OR4M1: variants seen among roughly 807,000 people sequenced by gnomAD.
The protein encoded by OR4M1 is olfactory receptor 4M1.
Under a neutral mutation model 9.8 loss-of-function variants are expected in OR4M1, and 7 were observed. The observed-to-expected ratio is 0.71, with a 90% CI of 0.41 to 1.34. OR4M1 has a LOEUF of 1.34. OR4M1 is among the 40% of genes most tolerant of loss of function. OR4M1 has a pLI of 0.01. For missense variants in OR4M1, 331 were observed against 380.4 expected, an observed-to-expected ratio of 0.87 and a Z score of 1.08; for synonymous variants, 121 against 139.8, an observed-to-expected ratio of 0.87 and a Z score of 0.95.
intron 1 of OR4M1, among the ~76,000 whole-genome samples, chr14:19,777,959 A>T (rs926382600): frequency 6.6e-6 from 1 of 152,066 alleles, no homozygotes; most frequent in African/African-American, 2.4e-5. Flanking sequence ...TGGCTGCCTG[A>T]CTATTGGATT....
rs1158459398 is a variant in OR4M1 at position 19,781,671 on chromosome 14, C to A, written c.*407C>A. The A allele has an allele frequency of 1.1e-5, 2 of 182,310 alleles. No individual in the cohort carries two copies. The highest frequency in any genetic ancestry group is 4.8e-5 in the African/African-American group (2 of 41,952). The allele number at this position is 182,310 out of a possible 1,614,324, so 11.3% of individuals were successfully genotyped here. ...ATGGATGCAGCTAGCTTCAAGTTAG[C>A]AAATAAATATTGTCAAGTTTCAGTG... On this transcript the variant is annotated 3_prime_UTR_variant, in exon 2 of 2. Coordinates refer to ENST00000641200, the MANE Select transcript of OR4M1 (RefSeq NM_001005500.2).
At chr14:19,780,243 A>C (rs1333255423) in intron 1 of OR4M1, 51 bp from the exon 2 acceptor site, 44 of 1,405,800 alleles carry the variant, frequency 3.1e-5, no homozygotes, top group Non-Finnish European at 4.2e-5. Context: ...CAGTGATATA[A>C]CTCTAGATAA....
At chr14:19,780,111 G>A (rs1026922770) in intron 1 of OR4M1, 183 bp from the exon 2 acceptor site, 2 of 583,978 alleles carry the variant, frequency 3.4e-6, no homozygotes, top group African/African-American at 1.9e-5. Context: ...TAGTTTTAGT[G>A]TTCCCAATTT....
Position 19,781,483 on chromosome 14 carries a change from A to G in OR4M1, c.*219A>G. ...ACCCTGAAATTCCAGGCAGATCATT[A>G]TTAGAATTTGAGATATAATAATAAT... On this transcript the variant is annotated 3_prime_UTR_variant, in exon 2 of 2. Coordinates refer to ENST00000641200, the MANE Select transcript of OR4M1 (RefSeq NM_001005500.2). 2 of 531,066 alleles carry G rather than the reference A, an allele frequency of 3.8e-6. No homozygotes were observed. The highest frequency in any genetic ancestry group is 6.1e-5 in the South Asian group (2 of 32,612). 32.9% of individuals were successfully genotyped at this position (531,066 alleles called of 1,614,324 possible). A position where few individuals can be genotyped will look rare whatever the true frequency, so the allele number is the denominator to read the frequency against.
Position 19,781,300 on chromosome 14 carries a change from T to A in OR4M1, c.*36T>A, listed in dbSNP as rs1177614404. 2.7e-6 allele frequency: 4 copies of A among 1,494,190 alleles called. No homozygotes were observed. Among genetic ancestry groups the A allele is most frequent in the Non-Finnish European group, 3.7e-6 (4 of 1,093,528 alleles). The allele number at this position is 1,494,190 out of a possible 1,614,324, so 92.6% of individuals were successfully genotyped here. A position where few individuals can be genotyped will look rare whatever the true frequency, so the allele number is the denominator to read the frequency against. ...ATACATTTTATAGTCCTCCTGAGGA[T>A]CATTGTCCTAAAGCAGGAAGTATTT... On this transcript the variant is annotated 3_prime_UTR_variant, in exon 2 of 2. Transcript: ENST00000641200.
intron 1 of OR4M1, among the ~76,000 whole-genome samples, chr14:19,777,339 G>A (rs139089722): frequency 2.6e-5 from 4 of 151,748 alleles, no homozygotes; most frequent in African/African-American, 9.7e-5. Context: ...TTCTTAAAAT[G>A]CTTTTCTTCA....
rs1594380366 is a variant in OR4M1 at position 19,782,806 on chromosome 14, G to A, written c.*1542G>A. On this transcript the variant is annotated 3_prime_UTR_variant, in exon 2 of 2. Coordinates refer to ENST00000641200, the MANE Select transcript of OR4M1 (RefSeq NM_001005500.2). ...TCACCTGGAAGTGAATAAAGCAGTA[G>A]ACTTCTCTAACATTTTGTAACACAG... 1 of 152,144 alleles carries A rather than the reference G, an allele frequency of 6.6e-6. No individual in the cohort carries two copies. The highest frequency in any genetic ancestry group is 2.1e-4 in the South Asian group (1 of 4,832). The allele number at this position is 152,144 out of a possible 1,614,324, so 9.4% of individuals were successfully genotyped here. A position where few individuals can be genotyped will look rare whatever the true frequency, so the allele number is the denominator to read the frequency against.
chr14:19,775,299 A>G (rs1284744024), intron 1 of OR4M1, among the ~76,000 whole-genome samples: 4 of 152,200 alleles, frequency 2.6e-5, no homozygotes, highest in Non-Finnish European at 5.9e-5. Flanking sequence ...CTTATTGAGC[A>G]TATGTATTTG....
chr14:19,775,446 C>T (rs1279626909), intron 1 of OR4M1, among the ~76,000 whole-genome samples: 1 of 151,940 alleles, frequency 6.6e-6, no homozygotes, highest in Admixed American at 6.6e-5. Context: ...TAAAGGTCCT[C>T]CTTTCCAAAT....
At chr14:19,779,043 A>T (rs1878389408) in intron 1 of OR4M1, among the ~76,000 whole-genome samples, 1 of 152,188 alleles carries the variant, frequency 6.6e-6, no homozygotes, top group Non-Finnish European at 1.5e-5. Flanking sequence ...GTCTGCTTGT[A>T]GTAAGCCATC....
intron 1 of OR4M1, among the ~76,000 whole-genome samples, chr14:19,776,447 C>A (rs13379191): frequency 6.6e-6 from 1 of 152,192 alleles, no homozygotes; most frequent in African/African-American, 2.4e-5. Flanking sequence ...CCTCTAGGTA[C>A]TACGTCCCTG....
At chr14:19,776,765 T>C (rs1450160567) in intron 1 of OR4M1, among the ~76,000 whole-genome samples, 7 of 152,086 alleles carry the variant, frequency 4.6e-5, no homozygotes, top group African/African-American at 1.7e-4. Context: ...CAAGTATGTA[T>C]AGTTTATTTA....
rs1878229648 is a variant in OR4M1, at chr14:19,773,597, G to T, written c.-30+4G>T. 1.3e-5 allele frequency: 2 copies of T among 152,296 alleles called. No individual in the cohort carries two copies. The highest frequency in any genetic ancestry group is 4.8e-5 in the African/African-American group (2 of 41,464). 9.4% of individuals were successfully genotyped at this position (152,296 alleles called of 1,614,324 possible). On this transcript the variant is annotated splice_donor_region_variant and intron_variant, in intron 1 of 1. Transcript: ENST00000641200. ...ACCAAGACTGTCACAGTAATTGGTA[G>T]GTGGAAAGTTGTTATAACCTTTACA...
At chr14:19,778,252 ACAT>A (rs1157102486) in intron 1 of OR4M1, among the ~76,000 whole-genome samples, 1 of 152,228 alleles carries the variant, frequency 6.6e-6, no homozygotes, top group Admixed American at 6.6e-5. Context: ...TCTTTTCAAG[ACAT>A]CAACACTCAT....
At position 19,780,722 on chromosome 14, in the gene OR4M1, A is replaced by T. The variant is rs1878458870; in HGVS notation, c.400A>T (p.Thr134Ser). 1 of 1,614,190 alleles carries T rather than the reference A, an allele frequency of 6.2e-7. No homozygotes were observed. The highest frequency in any genetic ancestry group is 1.7e-5 in the Admixed American group (1 of 60,016). The change falls in exon 2 of 2, where the codon ACC (threonine) becomes TCC (serine). Residue 134 changes from threonine to serine, a missense_variant. Physicochemically the swap from Thr to Ser is moderately conservative, Grantham distance 58 (BLOSUM62 1). Around this residue, in one of 2 missense-constraint regions of OR4M1, gnomAD observed 209 missense variants for 200.0 expected, o/e 1.04. Transcript: ENST00000641200. Reference sequence around the variant, plus strand: ...TATCTGCCGACCCCTCCACTATGCTACCATCATGAATCGACGTCTCTGCTG... The same window carrying T: ...TATCTGCCGACCCCTCCACTATGCTTCCATCATGAATCGACGTCTCTGCTG... ...AAICRPLHYA[T>S]IMNRRLCCIL...
chr14:19,776,537 C>T (rs531473337), intron 1 of OR4M1, among the ~76,000 whole-genome samples: 32 of 152,228 alleles, frequency 2.1e-4, no homozygotes, highest in Middle Eastern at 3.4e-3. Context: ...GGATGTAAGA[C>T]GAAGTAAATC....
At chr14:19,777,192 A>G (rs1000673882) in intron 1 of OR4M1, among the ~76,000 whole-genome samples, 12 of 151,436 alleles carry the variant, frequency 7.9e-5, no homozygotes, top group African/African-American at 2.9e-4. Flanking sequence ...TGGAAATCCA[A>G]TTTTATTATT....
chr14:19,776,501 C>A (rs1288770155), intron 1 of OR4M1, among the ~76,000 whole-genome samples: 1 of 152,184 alleles, frequency 6.6e-6, no homozygotes, highest in African/African-American at 2.4e-5. Context: ...AAAAGAGAAG[C>A]AGAAGCTTAG....
Position 19,780,297 on chromosome 14 carries a change from T to C in OR4M1, c.-26T>C, listed in dbSNP as rs746052316. The C allele has an allele frequency of 5.1e-6, 8 of 1,572,140 alleles. No individual in the cohort carries two copies. The highest frequency in any genetic ancestry group is 1.2e-5 in the South Asian group (1 of 84,540). On this transcript the variant is annotated 5_prime_UTR_variant, in exon 2 of 2. Transcript: ENST00000641200. ...ATAGTTTCTTTAATTTTCATAGTTATATTATGAAAAGAGTAAATTGAAGAA... is the reference window on the plus strand; with the variant it reads ...ATAGTTTCTTTAATTTTCATAGTTACATTATGAAAAGAGTAAATTGAAGAA...
Sources: allele counts gnomAD v4.1 joint callset (sites outside exome capture counted in the v4.1 genomes callset), GRCh38; gene constraint gnomAD v4.1.1; regional missense constraint gnomAD v4.1.1; transcripts MANE v1.5; gene names NCBI Gene and HGNC (gene_info 2026-07-23, HGNC 2026-07-21).